Variants in ANAPC4 observed in about 807,000 individuals in gnomAD.
ANAPC4 encodes anaphase promoting complex subunit 4.
Under a neutral mutation model 119.8 loss-of-function variants are expected in ANAPC4, and 63 were observed. The ratio of observed to expected loss-of-function variants is 0.53; its 90% confidence interval spans 0.43 to 0.65. The LOEUF (loss-of-function observed/expected upper bound fraction) is 0.65. Ranked by LOEUF, ANAPC4 falls within the 30% of genes least tolerant of loss-of-function variation. The probability of loss-of-function intolerance (pLI) is 0.00; values close to 1 mark genes in which losing one functional copy is unlikely to be tolerated. For synonymous variants in ANAPC4, 283 were observed against 318.6 expected (o/e 0.89, Z 1.19); for missense variants, 716 against 945.1 (o/e 0.76, Z 3.18).
chr4:25,383,410 A>G lies in ANAPC4; in HGVS notation c.368+17A>G, dbSNP rs200095852. The G allele has an allele frequency of 2.1e-5, 34 of 1,596,810 alleles. No individual in the cohort carries two copies. In the East Asian group the frequency reaches 7.2e-4, roughly 34 times the overall value. On this transcript the variant is annotated intron_variant, in intron 4 of 28. Transcript: ENST00000315368. The stretch of plus-strand genomic sequence containing the variant: ...AGAAAGCAGGTAATTAGAAAAACTT[A>G]TGTAGTCATAGGGTATTCATGAGAT...
chr4:25,395,532 C>G (rs1481488470), intron 14 of ANAPC4: 2 of 152,576 alleles, frequency 1.3e-5, no homozygotes. Context: ...TCACTGCAAC[C>G]TCCGCCTCCC....
chr4:25,407,213 A>G lies in ANAPC4; in HGVS notation c.1391A>G (p.Asn464Ser). 6.2e-7 allele frequency: 1 copy of G among 1,608,540 alleles called. No homozygotes were observed. The highest frequency in any genetic ancestry group is 8.5e-7 in the Non-Finnish European group (1 of 1,178,156). The change falls in exon 20 of 29, where the codon AAT (asparagine) becomes AGT (serine). Residue 464 changes from asparagine (N) to serine (S), a missense_variant. This residue lies in a region of ANAPC4 where 504 missense variants were observed against 615.8 expected (regional missense o/e 0.82). Transcript: ENST00000315368. ...TTTTTCCAGGCTCCAGACCTTTATA[A>G]TCGAAAAGGAAAATACTTTAACGTT... ...EHFNEAPDLY[N>S]RKGKYFNVER...
intron 14 of ANAPC4, among the ~76,000 whole-genome samples, chr4:25,396,290 C>T (rs893228187): frequency 1.3e-5 from 2 of 152,222 alleles, no homozygotes; most frequent in African/African-American, 2.4e-5. Context: ...TTGTGTTCAC[C>T]GTTATGTCCC....
intron 26 of ANAPC4, 140 bp downstream of exon 26, chr4:25,415,680 G>A: frequency 1.6e-6 from 1 of 640,948 alleles, no homozygotes; most frequent in Non-Finnish European, 2.7e-6. Flanking sequence ...AGGATTCTTT[G>A]TGTATTTATA....
At chr4:25,416,843 G>T in intron 27 of ANAPC4, 1 of 295,462 alleles carries the variant, frequency 3.4e-6, no homozygotes, top group African/African-American at 2.2e-5. Context: ...GGAATTATTT[G>T]GAGTGGATAA....
At chr4:25,382,381 A>C (rs1337689998) in intron 3 of ANAPC4, among the ~76,000 whole-genome samples, 3 of 152,210 alleles carry the variant, frequency 2.0e-5, no homozygotes, top group Non-Finnish European at 4.4e-5. Context: ...TTCTATGCTC[A>C]TTCTGTAGTC....
Position 25,383,358 on chromosome 4 carries a change from C to T in ANAPC4, c.333C>T (p.Ser111=). 6.2e-7 allele frequency: 1 copy of T among 1,613,048 alleles called. No individual in the cohort carries two copies. Among genetic ancestry groups the T allele is most frequent in the Non-Finnish European group, 8.5e-7 (1 of 1,179,552 alleles). The change falls in exon 4 of 29, where the codon TCC becomes TCT. Residue 111 remains serine (S), a synonymous_variant. Coordinates refer to ENST00000315368, the MANE Select transcript of ANAPC4 (RefSeq NM_013367.3). ...CTTTTTCTGTGGAGGCTCCAGTTTC[C>T]TGTATGCATTGGATGGAAGTGACAG... ...LHSFSVEAPV[S]CMHWMEVTVE...
intron 1 of ANAPC4, 26 bp from the exon 2 acceptor site, chr4:25,377,392 G>A (rs1382820830): frequency 6.2e-7 from 1 of 1,610,156 alleles, no homozygotes; most frequent in Non-Finnish European, 8.5e-7. Context: ...GGCTCCTGCC[G>A]GCCTCTGACT....
At chr4:25,403,567 T>TC (rs1469400440) in intron 17 of ANAPC4, among the ~76,000 whole-genome samples, 1 of 152,222 alleles carries the variant, frequency 6.6e-6, no homozygotes, top group African/African-American at 2.4e-5. Flanking sequence ...AGAGTCTCTG[T>TC]CCTTGGGTAG....
At chr4:25,378,370 G>T (rs1721525489) in intron 2 of ANAPC4, among the ~76,000 whole-genome samples, 1 of 152,204 alleles carries the variant, frequency 6.6e-6, no homozygotes, top group Admixed American at 6.5e-5. Context: ...GCACCCTGCA[G>T]ACTGTAGTCT....
chr4:25,388,472 T>TA (rs747002176), intron 4 of ANAPC4, 28 bp from the exon 5 acceptor site: 1 of 1,450,728 alleles, frequency 6.9e-7, no homozygotes, highest in South Asian at 1.2e-5. Context: ...TTGGTGTTTT[T>TA]ATAATGCTTT....
rs75578793 is a variant in ANAPC4, at chr4:25,397,855, A to G, written c.1214+956A>G. 2.3e-3 allele frequency among the ~76,000 whole-genome samples: 342 copies of G among 151,244 alleles called. 5 individuals carry two copies. The highest frequency in any genetic ancestry group is 8.0e-3 in the African/African-American group (329 of 41,184). On this transcript the variant is annotated intron_variant, in intron 16 of 28. Coordinates refer to ENST00000315368, the MANE Select transcript of ANAPC4 (RefSeq NM_013367.3). ...TGTGGGCCTTTTAATTCATTGTGCTATAATAAGCCATTTTAACCTGAATTC... is the reference window on the plus strand; with the variant it reads ...TGTGGGCCTTTTAATTCATTGTGCTGTAATAAGCCATTTTAACCTGAATTC...
chr4:25,394,955 C>A, intron 14 of ANAPC4, 50 bp downstream of exon 14: 1 of 1,380,440 alleles, frequency 7.2e-7, no homozygotes, highest in Non-Finnish European at 1.0e-6. Flanking sequence ...ACATACCTGG[C>A]GTTGGCCTTC....
At chr4:25,412,724 C>G (rs1723644763) in intron 21 of ANAPC4, among the ~76,000 whole-genome samples, 1 of 151,234 alleles carries the variant, frequency 6.6e-6, no homozygotes. Context: ...GCACTCCAAC[C>G]TGGGCAACAG....
In ANAPC4 at chr4:25,413,701, C is replaced by T. The variant is rs780628587; in HGVS notation, c.1582C>T (p.Arg528Trp). Residue 528 changes from arginine to tryptophan, a missense_variant, in exon 22 of 29, where the codon CGG becomes TGG. Arg to Trp is a moderately radical substitution (Grantham distance 101). This residue lies in a region of ANAPC4 where 504 missense variants were observed against 615.8 expected (regional missense o/e 0.82). Coordinates refer to ENST00000315368, the MANE Select transcript of ANAPC4 (RefSeq NM_013367.3). The stretch of plus-strand genomic sequence containing the variant: ...AAAATCATTGCATTTTGTGAAAAGG[C>T]GGATGGAGAATATTATTGATCAGTG... ...PRKSLHFVKR[R>W]MENIIDQCLQ... 9.3e-6 allele frequency: 15 copies of T among 1,613,160 alleles called. No individual in the cohort carries two copies. The highest frequency in any genetic ancestry group is 2.7e-5 in the African/African-American group (2 of 74,938).
intron 17 of ANAPC4, among the ~76,000 whole-genome samples, chr4:25,403,306 C>G (rs746461552): frequency 6.6e-6 from 1 of 151,956 alleles, no homozygotes; most frequent in African/African-American, 2.4e-5. Flanking sequence ...CTAATACATT[C>G]ATATAATTTG....
intron 10 of ANAPC4, among the ~76,000 whole-genome samples, 193 bp from the exon 11 acceptor site, chr4:25,393,612 A>G (rs1722475124): frequency 6.6e-6 from 1 of 152,230 alleles, no homozygotes. Context: ...CAGTGAGCCA[A>G]GATGGCGTCA....
chr4:25,394,760 TA>T lies in ANAPC4; in HGVS notation c.984+49del, dbSNP rs747625007. 13 of 1,597,008 alleles carry T rather than the reference TA, an allele frequency of 8.1e-6. No individual in the cohort carries two copies. The Admixed American group carries it at 2.3e-4, about 28-fold the overall frequency. On this transcript the variant is annotated intron_variant, in intron 13 of 28. Coordinates refer to ENST00000315368, the MANE Select transcript of ANAPC4 (RefSeq NM_013367.3). ...ATTCAAATGGCTATGAACACATTCT[TA>T]ATTTTTTTTTTCGAGTGGCATATAA...
At chr4:25,415,131 T>A in intron 25 of ANAPC4, 1 of 213,572 alleles carries the variant, frequency 4.7e-6, no homozygotes, top group Non-Finnish European at 9.1e-6. Flanking sequence ...TAACAGAGAC[T>A]TACTTTGAAA....
Sources: allele counts gnomAD v4.1 joint callset (sites outside exome capture counted in the v4.1 genomes callset), GRCh38; gene constraint gnomAD v4.1.1; regional missense constraint gnomAD v4.1.1; transcripts MANE v1.5; gene names NCBI Gene and HGNC (gene_info 2026-07-23, HGNC 2026-07-21).